LTB4R: variants seen among roughly 807,000 people sequenced by gnomAD.
LTB4R encodes leukotriene B4 receptor 1.
For synonymous variants in LTB4R, 250 were observed against 230.7 expected (o/e 1.08, Z -0.76); for missense variants, 470 against 485.6 (o/e 0.97, Z 0.30).
Position 24,315,676 on chromosome 14 carries a change from C to T in LTB4R, c.25C>T (p.Pro9Ser), listed in dbSNP as rs765063018. 13 of 1,613,344 alleles carry T rather than the reference C, an allele frequency of 8.1e-6. No individual in the cohort carries two copies. Among genetic ancestry groups the T allele is most frequent in the African/African-American group, 8.0e-5 (6 of 74,926 alleles). MNTTSSAA[P>S]PSLGVEFISL... ...CATGAACACTACATCTTCTGCAGCA[C>T]CCCCCTCACTAGGTGTAGAGTTCAT... The change falls in exon 2 of 2, where the codon CCC becomes TCC. Residue 9 changes from proline to serine, a missense_variant. Physicochemically the swap from Pro to Ser is moderately conservative, Grantham distance 74. Transcript: ENST00000345363.
In LTB4R at chr14:24,316,555, G is replaced by A; in HGVS notation, c.904G>A (p.Ala302Thr). Residue 302 changes from alanine to threonine, a missense_variant, in exon 2 of 2, where the codon GCC (alanine) becomes ACC (threonine). Ala to Thr is a moderately conservative substitution (Grantham distance 58, BLOSUM62 0). Transcript: ENST00000345363. ...LLRSAGVGFV[A>T]KLLEGTGSEA... ...GCGCTCGGCGGGCGTGGGCTTCGTC[G>A]CCAAGCTGCTGGAGGGCACGGGCTC... 7.0e-7 allele frequency: 1 copy of A among 1,435,824 alleles called. No homozygotes were observed. The highest frequency in any genetic ancestry group is 9.1e-7 in the Non-Finnish European group (1 of 1,102,354). The allele number at this position is 1,435,824 out of a possible 1,614,324, so 88.9% of individuals were successfully genotyped here.
intron 1 of LTB4R, among the ~76,000 whole-genome samples, chr14:24,312,244 TA>T (rs2041723082): frequency 6.6e-6 from 1 of 151,746 alleles, no homozygotes; most frequent in South Asian, 2.1e-4. Context: ...GAAGGAGAGG[TA>T]TGGGAGCTTG....
rs746613664 is a variant in LTB4R at position 24,316,072 on chromosome 14, A to T, written c.421A>T (p.Ile141Phe). ...GATGGCCCGGCGGGTGCTGGCAGGCATCTGGGTGTTGTCCTTTCTGCTGGC... is the reference window on the plus strand; with the variant it reads ...GATGGCCCGGCGGGTGCTGGCAGGCTTCTGGGTGTTGTCCTTTCTGCTGGC... ...KAMARRVLAGIWVLSFLLATP... is the reference protein window; with the variant it reads ...KAMARRVLAGFWVLSFLLATP... Residue 141 changes from isoleucine to phenylalanine, a missense_variant, in exon 2 of 2, where the codon ATC becomes TTC. Ile to Phe is a conservative substitution (Grantham distance 21). Coordinates refer to ENST00000345363, the MANE Select transcript of LTB4R (RefSeq NM_001143919.3). The T allele has an allele frequency of 1.2e-6, 2 of 1,613,048 alleles. No individual in the cohort carries two copies. Among genetic ancestry groups the T allele is most frequent in the African/African-American group, 2.7e-5 (2 of 74,930 alleles).
intron 1 of LTB4R, chr14:24,313,972 T>G (rs2139180635): frequency 6.6e-6 from 1 of 152,342 alleles, no homozygotes; most frequent in South Asian, 2.1e-4. Context: ...GGACCATTTC[T>G]GCATTGCTGG....
In LTB4R at chr14:24,317,952, C is replaced by T. The variant is rs2041791938; in HGVS notation, c.*1242C>T. On this transcript the variant is annotated 3_prime_UTR_variant, in exon 2 of 2. Coordinates refer to ENST00000345363, the MANE Select transcript of LTB4R (RefSeq NM_001143919.3). Reference sequence around the variant, plus strand: ...ACCTAACGGAGTATTTCCCAGTCCTCTCGCCCATTCTGTATGGTGAGCACA... The same window carrying T: ...ACCTAACGGAGTATTTCCCAGTCCTTTCGCCCATTCTGTATGGTGAGCACA... 5.6e-6 allele frequency: 1 copy of T among 179,540 alleles called. No homozygotes were observed. The highest frequency in any genetic ancestry group is 1.3e-5 in the Non-Finnish European group (1 of 74,786). 11.1% of individuals were successfully genotyped at this position (179,540 alleles called of 1,614,324 possible). A position where few individuals can be genotyped will look rare whatever the true frequency, so the allele number is the denominator to read the frequency against.
In LTB4R at chr14:24,315,850, G is replaced by T; in HGVS notation, c.199G>T (p.Val67Leu). The T allele has an allele frequency of 6.2e-7, 1 of 1,614,230 alleles. No individual in the cohort carries two copies. The highest frequency in any genetic ancestry group is 8.5e-7 in the Non-Finnish European group (1 of 1,180,044). The part of the protein sequence containing the change: ...VLNLALADLA[V>L]LLTAPFFLHF... ...GAACCTGGCCCTGGCCGACCTGGCC[G>T]TATTGCTCACTGCTCCCTTTTTCCT... Residue 67 changes from valine (V) to leucine (L), a missense_variant, in exon 2 of 2, where the codon GTA (valine) becomes TTA (leucine). Physicochemically the swap from Val to Leu is conservative, Grantham distance 32. Transcript: ENST00000345363.
rs890024411 is a variant in LTB4R, at chr14:24,317,899, T to A, written c.*1189T>A. The A allele has an allele frequency of 1.1e-5, 2 of 178,968 alleles. No homozygotes were observed. The highest frequency in any genetic ancestry group is 2.7e-5 in the Non-Finnish European group (2 of 74,348). 11.1% of individuals were successfully genotyped at this position (178,968 alleles called of 1,614,324 possible). On this transcript the variant is annotated 3_prime_UTR_variant, in exon 2 of 2. Coordinates refer to ENST00000345363, the MANE Select transcript of LTB4R (RefSeq NM_001143919.3). ...TTACTGGAAGGTATGGTGCACCAAT[T>A]TGAGAACAGCAGCTGAAACTGGGAG...
intron 1 of LTB4R, 75 bp downstream of exon 1, chr14:24,311,879 T>C (rs913278862): frequency 5.0e-6 from 4 of 794,752 alleles, no homozygotes; most frequent in Non-Finnish European, 7.9e-6. Context: ...TACTATACAC[T>C]TGGGGCAGGC....
At chr14:24,312,247 G>C (rs2041723117) in intron 1 of LTB4R, among the ~76,000 whole-genome samples, 1 of 152,218 alleles carries the variant, frequency 6.6e-6, no homozygotes, top group Non-Finnish European at 1.5e-5. Context: ...GGAGAGGTAT[G>C]GGAGCTTGGA....
In LTB4R at chr14:24,316,021, GT is replaced by G. The variant is rs2041765672; in HGVS notation, c.371del (p.Val124GlyfsTer35). 2.5e-6 allele frequency: 4 copies of G among 1,613,828 alleles called. No individual in the cohort carries two copies. Among genetic ancestry groups the G allele is most frequent in the Non-Finnish European group, 3.4e-6 (4 of 1,180,038 alleles). Reference sequence around the variant, plus strand: ...CTCACTGGCGGTGGCCCGCCCCTTTGTGTCCCAGAAGCTACGCACCAAGGCG... The same window carrying G: ...CTCACTGGCGGTGGCCCGCCCCTTTGGTCCCAGAAGCTACGCACCAAGGCG... ...DRSLAVARPF[V>X]SQKLRTKAMA... On this transcript the variant is annotated frameshift_variant, in exon 2 of 2. Transcript: ENST00000345363. LOFTEE classifies it low-confidence loss of function (END_TRUNC).
intron 1 of LTB4R, chr14:24,315,044 G>C (rs1176796395): frequency 6.5e-6 from 1 of 153,084 alleles, no homozygotes; most frequent in African/African-American, 2.4e-5. Flanking sequence ...GAGCGGCCGT[G>C]GTTGTGGTGG....
At chr14:24,311,970 T>C (rs1594638955) in intron 1 of LTB4R, 166 bp downstream of exon 1, 2 of 521,700 alleles carry the variant, frequency 3.8e-6, no homozygotes, top group South Asian at 3.6e-5. Flanking sequence ...AGTTGGCATG[T>C]ACCCATGTGC....
At chr14:24,312,686 A>G (rs917953805) in intron 1 of LTB4R, among the ~76,000 whole-genome samples, 2 of 152,166 alleles carry the variant, frequency 1.3e-5, no homozygotes, top group African/African-American at 4.8e-5. Flanking sequence ...GTTCCCCAAT[A>G]CTTCTCTGCC....
chr14:24,317,194 T>C lies in LTB4R; in HGVS notation c.*484T>C, dbSNP rs2041784684. The C allele has an allele frequency of 5.9e-6, 1 of 168,232 alleles. No homozygotes were observed. The highest frequency in any genetic ancestry group is 6.5e-5 in the Admixed American group (1 of 15,316). The allele number at this position is 168,232 out of a possible 1,614,324, so 10.4% of individuals were successfully genotyped here. On this transcript the variant is annotated 3_prime_UTR_variant, in exon 2 of 2. Coordinates refer to ENST00000345363, the MANE Select transcript of LTB4R (RefSeq NM_001143919.3). ...GTCTAGGAAGACCACCCATGTGGGC[T>C]TATCACTCCAGGTTCTGTGACCCGG...
Position 24,316,067 on chromosome 14 carries a change from C to G in LTB4R, c.416C>G (p.Ala139Gly). 1 of 1,613,164 alleles carries G rather than the reference C, an allele frequency of 6.2e-7. No homozygotes were observed. Among genetic ancestry groups the G allele is most frequent in the East Asian group, 2.2e-5 (1 of 44,892 alleles). ...RTKAMARRVLAGIWVLSFLLA... is the reference protein window; with the variant it reads ...RTKAMARRVLGGIWVLSFLLA... ...AAGGCGATGGCCCGGCGGGTGCTGGCAGGCATCTGGGTGTTGTCCTTTCTG... is the reference window on the plus strand; with the variant it reads ...AAGGCGATGGCCCGGCGGGTGCTGGGAGGCATCTGGGTGTTGTCCTTTCTG... Residue 139 changes from alanine (A) to glycine (G), a missense_variant, in exon 2 of 2, where the codon GCA becomes GGA. Physicochemically the swap from Ala to Gly is moderately conservative, Grantham distance 60. Coordinates refer to ENST00000345363, the MANE Select transcript of LTB4R (RefSeq NM_001143919.3).
In LTB4R at chr14:24,316,272, G is replaced by T; in HGVS notation, c.621G>T (p.Arg207=). ...VVASYSDIGR[R]LQARRFRRSR... ...CCAGCTACTCGGACATAGGGCGTCG[G>T]CTACAGGCCCGGCGCTTCCGCCGCA... Residue 207 remains arginine (R), a synonymous_variant, in exon 2 of 2, where the codon CGG becomes CGT. Transcript: ENST00000345363. The T allele has an allele frequency of 6.2e-7, 1 of 1,611,234 alleles. No individual in the cohort carries two copies. The highest frequency in any genetic ancestry group is 8.5e-7 in the Non-Finnish European group (1 of 1,179,316).
chr14:24,312,335 AATCTGTGG>A (rs1413794487), intron 1 of LTB4R, among the ~76,000 whole-genome samples: 1 of 152,226 alleles, frequency 6.6e-6, no homozygotes, highest in Non-Finnish European at 1.5e-5. Context: ...GGGGAAAATG[AATCTGTGG>A]GGTTTGAAAA....
rs17849863 is a variant in LTB4R, at chr14:24,316,645, C to T, written c.994C>T (p.Leu332=). ...GQTARSGPAA[L]EPGPSESLTA... The stretch of plus-strand genomic sequence containing the variant: ...GACCGCTAGGAGCGGCCCCGCCGCT[C>T]TGGAGCCCGGCCCTTCCGAGAGCCT... The change falls in exon 2 of 2, where the codon CTG becomes TTG. Residue 332 remains leucine, a synonymous_variant. Transcript: ENST00000345363. The T allele has an allele frequency of 2.0e-6, 3 of 1,533,710 alleles. No homozygotes were observed. Among genetic ancestry groups the T allele is most frequent in the Non-Finnish European group, 2.6e-6 (3 of 1,141,500 alleles).
In LTB4R at chr14:24,311,894, G is replaced by C. The variant is rs2041716521; in HGVS notation, c.-16+90G>C. On this transcript the variant is annotated intron_variant, in intron 1 of 1. Transcript: ENST00000345363. ...TACTATACACTTGGGGCAGGCCCAG[G>C]CTCCTCCAAACTGAGGGATTATGAG... is the stretch of plus-strand genomic sequence containing the variant. 9 of 707,604 alleles carry C rather than the reference G, an allele frequency of 1.3e-5. No homozygotes were observed. The Admixed American group carries it at 1.5e-4, about 12-fold the overall frequency. The allele number at this position is 707,604 out of a possible 1,614,324, so 43.8% of individuals were successfully genotyped here.
Sources: gnomAD v4.1 joint callset for allele counts (sites outside exome capture counted in the v4.1 genomes callset) on GRCh38, gnomAD v4.1.1 for gene constraint, MANE v1.5 for transcripts, NCBI Gene and HGNC (gene_info 2026-07-23, HGNC 2026-07-21) for gene names.